The following LRPPRC variants were observed in gnomAD, a reference collection of about 807,000 sequenced individuals.
The protein encoded by LRPPRC is leucine rich pentatricopeptide repeat containing.
LRPPRC carries 120 observed loss-of-function variants against 180.3 expected under a neutral mutation model. That is an observed-to-expected ratio of 0.67 (90% CI 0.57 to 0.77). The LOEUF (loss-of-function observed/expected upper bound fraction) is 0.77, where lower values mean the gene tolerates loss of function less well. LRPPRC is among the 30% of genes least tolerant of loss of function. The probability of loss-of-function intolerance (pLI) is 0.00; values close to 1 mark genes in which losing one functional copy is unlikely to be tolerated. For synonymous variants in LRPPRC, 723 were observed against 600.0 expected (o/e 1.21, Z -3.00); for missense variants, 2,012 against 1,657.2 (o/e 1.21, Z -3.72).
At chr2:43,937,391 T>G (rs1672314818) in intron 23 of LRPPRC, among the ~76,000 whole-genome samples, 1 of 152,192 alleles carries the variant, frequency 6.6e-6, no homozygotes, top group Non-Finnish European at 1.5e-5. Flanking sequence ...GTCCCTATTA[T>G]CTAATTCGGA....
intron 36 of LRPPRC, among the ~76,000 whole-genome samples, chr2:43,893,241 G>C (rs1342080186): frequency 1.3e-5 from 2 of 152,178 alleles, no homozygotes; most frequent in African/African-American, 4.8e-5. Flanking sequence ...TGACAACAAA[G>C]GATTCAGAAT....
chr2:43,964,508 C>T (rs1162845672), intron 11 of LRPPRC, among the ~76,000 whole-genome samples: 4 of 152,004 alleles, frequency 2.6e-5, no homozygotes, highest in Non-Finnish European at 5.9e-5. Context: ...ATTAAAACTC[C>T]CCCTAAAAGT....
intron 25 of LRPPRC, among the ~76,000 whole-genome samples, chr2:43,932,466 T>C (rs953658144): frequency 6.6e-5 from 10 of 152,132 alleles, no homozygotes; most frequent in African/African-American, 2.4e-4. Context: ...CTTTAAAAAA[T>C]TTTGTACACA....
intron 15 of LRPPRC, among the ~76,000 whole-genome samples, chr2:43,950,092 C>T (rs1037992648): frequency 3.3e-5 from 5 of 152,122 alleles, no homozygotes; most frequent in African/African-American, 1.2e-4. Context: ...AGTAAAATAT[C>T]CTGAACTGCT....
At position 43,913,895 on chromosome 2, in the gene LRPPRC, C is replaced by T. The variant is rs114206527; in HGVS notation, c.3149-1337G>A. On this transcript the variant is annotated intron_variant, in intron 29 of 37. Transcript: ENST00000260665. ...TATTCCATCAGATACCTAGTCTATT[C>T]GGTGTATTTCACTTTTCTGAAACGG... Among the ~76,000 whole-genome samples the T allele has an allele frequency of 9.2e-3, 1,398 of 152,254 alleles. 21 individuals carry two copies. Among genetic ancestry groups the T allele is most frequent in the African/African-American group, 0.032 (1,319 of 41,558 alleles).
intron 36 of LRPPRC, among the ~76,000 whole-genome samples, chr2:43,893,810 G>C (rs186315375): frequency 6.6e-6 from 1 of 152,200 alleles, no homozygotes; most frequent in Non-Finnish European, 1.5e-5. Flanking sequence ...TGTAAGGACG[G>C]AAAAAGAGAA....
At chr2:43,892,879 G>C (rs1267207590) in intron 36 of LRPPRC, 1 of 152,076 alleles carries the variant, frequency 6.6e-6, no homozygotes, top group Admixed American at 6.5e-5. Flanking sequence ...TCTGGGCAAA[G>C]TAAACTGAAA....
intron 25 of LRPPRC, among the ~76,000 whole-genome samples, chr2:43,928,815 C>T (rs1671982074): frequency 6.6e-6 from 1 of 151,944 alleles, no homozygotes. Flanking sequence ...CGTCCAAGTA[C>T]AACTGACCCT....
chr2:43,962,082 G>A (rs563737194), intron 12 of LRPPRC, among the ~76,000 whole-genome samples: 1 of 152,294 alleles, frequency 6.6e-6, no homozygotes, highest in African/African-American at 2.4e-5. Flanking sequence ...AGGCAACATA[G>A]TTGAGATGAG....
At chr2:43,996,039 C>T (rs1318723474), upstream of LRPPRC, 9 of 1,358,510 alleles carry the variant, frequency 6.6e-6, no homozygotes, top group Non-Finnish European at 9.0e-6. Context: ...CAGAGACCAA[C>T]TGCCGGGCGT....
intron 25 of LRPPRC, among the ~76,000 whole-genome samples, chr2:43,933,131 A>G (rs1258073785): frequency 2.6e-5 from 4 of 152,212 alleles, no homozygotes; most frequent in African/African-American, 7.2e-5. Flanking sequence ...AGATAGCACG[A>G]TAGCATGCCC....
intron 1 of LRPPRC, among the ~76,000 whole-genome samples, chr2:43,993,715 C>T (rs543714167): frequency 6.8e-6 from 1 of 146,732 alleles, no homozygotes; most frequent in African/African-American, 2.5e-5. Context: ...GTCCTGCTCT[C>T]ATATAGCTTA....
intron 5 of LRPPRC, among the ~76,000 whole-genome samples, chr2:43,976,709 T>TAA (rs113055483): frequency 1.5e-5 from 2 of 134,878 alleles, no homozygotes; most frequent in Admixed American, 7.4e-5. Context: ...AGGAAATATT[T>TAA]AAAAAAAAAA....
chr2:43,954,904 A>T (rs1188219587), intron 14 of LRPPRC, among the ~76,000 whole-genome samples: 1 of 152,344 alleles, frequency 6.6e-6, no homozygotes, highest in Middle Eastern at 3.4e-3. Flanking sequence ...GATGAGTAGT[A>T]TGTAAAGTAT....
chr2:43,917,834 C>T (rs969719396), intron 29 of LRPPRC, among the ~76,000 whole-genome samples, 191 bp downstream of exon 29: 2 of 152,074 alleles, frequency 1.3e-5, no homozygotes, highest in Non-Finnish European at 2.9e-5. Context: ...ATCTACCACT[C>T]AGTCAATAGT....
intron 26 of LRPPRC, among the ~76,000 whole-genome samples, chr2:43,925,412 C>A (rs1336159097): frequency 6.6e-6 from 1 of 152,146 alleles, no homozygotes; most frequent in Non-Finnish European, 1.5e-5. Flanking sequence ...GAGTCAAGAA[C>A]ACAACATGAA....
intron 36 of LRPPRC, among the ~76,000 whole-genome samples, chr2:43,894,152 A>G (rs1670597659): frequency 6.6e-6 from 1 of 152,056 alleles, no homozygotes; most frequent in Non-Finnish European, 1.5e-5. Flanking sequence ...AAGGAGCAAG[A>G]AGGCCAGTTA....
At chr2:43,896,834 T>G in intron 34 of LRPPRC, 126 bp from the exon 35 acceptor site, 1 of 670,836 alleles carries the variant, frequency 1.5e-6, no homozygotes, top group Non-Finnish European at 2.7e-6. Flanking sequence ...GAAGGCCTAA[T>G]AGTCGACTAT....
intron 12 of LRPPRC, among the ~76,000 whole-genome samples, chr2:43,961,647 T>G (rs999083983): frequency 6.6e-6 from 1 of 152,214 alleles, no homozygotes; most frequent in African/African-American, 2.4e-5. Context: ...ATGTACTTTT[T>G]AATGCCCAGC....
Sources: gnomAD v4.1 joint callset for allele counts (sites outside exome capture counted in the v4.1 genomes callset) on GRCh38, gnomAD v4.1.1 for gene constraint, MANE v1.5 for transcripts, NCBI Gene and HGNC (gene_info 2026-07-23, HGNC 2026-07-21) for gene names.